Variants in PCDH15 observed in about 807,000 individuals in gnomAD.
The protein encoded by PCDH15 is protocadherin related 15, also known as protocadherin-15.
In PCDH15, 129 loss-of-function variants were observed where a neutral mutation model predicts 178.5. The observed-to-expected ratio is 0.72, with a 90% CI of 0.63 to 0.84. The LOEUF (loss-of-function observed/expected upper bound fraction) is 0.84. Ranked by LOEUF, PCDH15 falls within the 40% of genes least tolerant of loss-of-function variation. The pLI is 0.00. For synonymous variants in PCDH15, 800 were observed against 732.0 expected, an observed-to-expected ratio of 1.09 and a Z score of -1.50; for missense variants, 2,230 against 2,099.9, an observed-to-expected ratio of 1.06 and a Z score of -1.21.
chr10:55,494,696 A>G (rs1037770491), intron 2 of PCDH15, among the ~76,000 whole-genome samples: 2 of 151,770 alleles, frequency 1.3e-5, no homozygotes, highest in African/African-American at 4.8e-5. Context: ...TGAAATTAAA[A>G]TCTTTACTCC....
At position 54,614,355 on chromosome 10, in the gene PCDH15, A is replaced by G. The variant is rs552070957; in HGVS notation, c.91+49817T>C. 3.3e-5 allele frequency among the ~76,000 whole-genome samples: 5 copies of G among 152,124 alleles called. No homozygotes were observed. In the South Asian group the frequency reaches 1.0e-3, roughly 31 times the overall value. On this transcript the variant is annotated intron_variant, in intron 2 of 37. Coordinates refer to ENST00000644397, the MANE Select transcript of PCDH15 (RefSeq NM_001384140.1). ...TTTATTTGTTCCAAGAAATTTTAAA[A>G]CAAATGAGAGAGGTAAAAGCAGTTG... is the stretch of plus-strand genomic sequence containing the variant.
At chr10:54,062,558 C>A (rs1355343116) in intron 18 of PCDH15, among the ~76,000 whole-genome samples, 1 of 152,024 alleles carries the variant, frequency 6.6e-6, no homozygotes, top group Non-Finnish European at 1.5e-5. Context: ...TTAGATGCAG[C>A]CTGCCTTGGA....
chr10:55,543,633 A>G (rs1841812545), intron 2 of PCDH15, among the ~76,000 whole-genome samples: 1 of 151,240 alleles, frequency 6.6e-6, no homozygotes, highest in African/African-American at 2.4e-5. Flanking sequence ...AAATCCACGT[A>G]TATTTGCCAC....
At chr10:54,916,935 G>C (rs1837352014) in intron 2 of PCDH15, among the ~76,000 whole-genome samples, 2 of 152,074 alleles carry the variant, frequency 1.3e-5, no homozygotes, top group Admixed American at 1.3e-4. Flanking sequence ...TCACATAGGA[G>C]AGTCCCAGCA....
intron 25 of PCDH15, among the ~76,000 whole-genome samples, chr10:53,935,163 GA>G (rs1219071682): frequency 6.6e-6 from 1 of 151,374 alleles, no homozygotes; most frequent in Non-Finnish European, 1.5e-5. Flanking sequence ...AAAATGGAAT[GA>G]AAAATTTAAT....
chr10:53,917,957 C>T (rs2083666419), intron 25 of PCDH15, among the ~76,000 whole-genome samples: 1 of 152,090 alleles, frequency 6.6e-6, no homozygotes, highest in Non-Finnish European at 1.5e-5. Flanking sequence ...ACTGGCTCTC[C>T]CTTCACTTTC....
intron 15 of PCDH15, among the ~76,000 whole-genome samples, chr10:54,102,622 T>C (rs1249707305): frequency 6.6e-6 from 1 of 152,206 alleles, no homozygotes; most frequent in Non-Finnish European, 1.5e-5. Context: ...GATGTGATAC[T>C]GTTTTTGATT....
chr10:54,219,215 C>A (rs1438090937), intron 9 of PCDH15, among the ~76,000 whole-genome samples: 1 of 141,304 alleles, frequency 7.1e-6, no homozygotes, highest in Non-Finnish European at 1.5e-5. Flanking sequence ...GCTGAGCTTG[C>A]AGTGAGCTGA....
intron 2 of PCDH15, among the ~76,000 whole-genome samples, chr10:55,355,833 G>A (rs200136449): frequency 6.6e-6 from 1 of 151,844 alleles, no homozygotes; most frequent in Non-Finnish European, 1.5e-5. Context: ...ACATCTAGAT[G>A]TGACATCCAA....
intron 2 of PCDH15, among the ~76,000 whole-genome samples, chr10:55,117,165 C>G (rs1161578304): frequency 6.6e-6 from 1 of 152,146 alleles, no homozygotes; most frequent in South Asian, 2.1e-4. Context: ...TCTTTTGTCA[C>G]AGGTGTCTTA....
intron 2 of PCDH15, among the ~76,000 whole-genome samples, chr10:55,077,863 G>T (rs990327591): frequency 1.3e-5 from 2 of 151,992 alleles, no homozygotes; most frequent in Non-Finnish European, 2.9e-5. Context: ...TTTCTCTAAT[G>T]ATATCATTTC....
At chr10:54,607,843 G>T (rs1331895209) in intron 2 of PCDH15, 1 of 528,876 alleles carries the variant, frequency 1.9e-6, no homozygotes. Flanking sequence ...ATGCCATGAG[G>T]CCTACTGTGA....
intron 1 of PCDH15, among the ~76,000 whole-genome samples, chr10:55,217,268 C>G (rs1355239402): frequency 6.6e-6 from 1 of 151,728 alleles, no homozygotes; most frequent in African/African-American, 2.4e-5. Context: ...GAAAACATAT[C>G]AATAGATAGG....
chr10:55,285,111 T>A (rs996396855), intron 1 of PCDH15, among the ~76,000 whole-genome samples: 3 of 149,278 alleles, frequency 2.0e-5, no homozygotes, highest in African/African-American at 4.9e-5. Flanking sequence ...TTCTTTTATA[T>A]GGTAAATACA....
At chr10:54,027,733 G>A (rs1318018091) in intron 18 of PCDH15, among the ~76,000 whole-genome samples, 2 of 147,350 alleles carry the variant, frequency 1.4e-5, no homozygotes, top group Non-Finnish European at 3.0e-5. Flanking sequence ...AAACTGGCTA[G>A]CCATATGGAG....
At chr10:54,798,847 G>A (rs896092016) in intron 1 of PCDH15, among the ~76,000 whole-genome samples, 5 of 152,038 alleles carry the variant, frequency 3.3e-5, no homozygotes, top group African/African-American at 9.6e-5. Context: ...ATAACAGCTC[G>A]TTTATGAAAA....
intron 3 of PCDH15, among the ~76,000 whole-genome samples, chr10:54,837,364 A>C (rs1256846402): frequency 6.6e-6 from 1 of 152,158 alleles, no homozygotes; most frequent in East Asian, 1.9e-4. Context: ...ATACACCCCT[A>C]AACACACACA....
intron 2 of PCDH15, among the ~76,000 whole-genome samples, chr10:55,006,547 G>T (rs1357248664): frequency 1.3e-5 from 2 of 152,136 alleles, no homozygotes; most frequent in African/African-American, 4.8e-5. Context: ...CTTGGCTCAT[G>T]GGGGTGGATC....
intron 2 of PCDH15, among the ~76,000 whole-genome samples, chr10:55,160,787 T>C (rs1839046065): frequency 6.6e-6 from 1 of 152,124 alleles, no homozygotes. Context: ...GCAGCAATAC[T>C]TTCTCATAAT....
Sources: allele counts gnomAD v4.1 joint callset (sites outside exome capture counted in the v4.1 genomes callset), GRCh38; gene constraint gnomAD v4.1.1; transcripts MANE v1.5; gene names NCBI Gene and HGNC (gene_info 2026-07-23, HGNC 2026-07-21).